Variants in MSMO1 observed in about 807,000 individuals in gnomAD.
MSMO1 encodes the protein C-4 methylsterol oxidase.
A neutral mutation model predicts 30.4 loss-of-function variants in MSMO1; 18 were observed. The observed-to-expected ratio is 0.59, with a 90% CI of 0.41 to 0.88. The LOEUF is 0.88. MSMO1 is among the 40% of genes least tolerant of loss of function. The probability of loss-of-function intolerance (pLI) is 0.00; values close to 1 mark genes in which losing one functional copy is unlikely to be tolerated. For synonymous variants in MSMO1, 84 were observed against 107.9 expected, an observed-to-expected ratio of 0.78 and a Z score of 1.37; for missense variants, 284 against 340.5, an observed-to-expected ratio of 0.83 and a Z score of 1.31.
At chr4:165,338,034 TG>T (rs1411703747) in intron 3 of MSMO1, 97 bp downstream of exon 3, 1 of 1,170,962 alleles carries the variant, frequency 8.5e-7, no homozygotes, top group Non-Finnish European at 1.2e-6. Context: ...AGTTAATGTT[TG>T]TTCTAAACTT....
chr4:165,333,233 C>T, intron 1 of MSMO1, 107 bp from the exon 2 acceptor site: 3 of 914,114 alleles, frequency 3.3e-6, no homozygotes, highest in Non-Finnish European at 4.8e-6. Context: ...AATTTATACT[C>T]CTTTAGTAAT....
intron 1 of MSMO1, among the ~76,000 whole-genome samples, chr4:165,328,888 C>G (rs536498834): frequency 4.2e-4 from 64 of 152,250 alleles, no homozygotes; most frequent in African/African-American, 1.5e-3. Flanking sequence ...AACGTTATGT[C>G]TGAGAATTAG....
rs2126619598 is a variant in MSMO1, at chr4:165,333,470, A to G, written c.100A>G (p.Lys34Glu). ...TGAGAATCCTCTGCAAGAACCATTT[A>G]AAAATGCTTGGAACTATATGTTGAA... Reference protein sequence around the residue: ...LPENPLQEPFKNAWNYMLNNY... With the variant: ...LPENPLQEPFENAWNYMLNNY... Residue 34 changes from lysine (K) to glutamate (E), a missense_variant, in exon 2 of 6, where the codon AAA becomes GAA. Coordinates refer to ENST00000261507, the MANE Select transcript of MSMO1 (RefSeq NM_006745.5). 2 of 1,613,444 alleles carry G rather than the reference A, an allele frequency of 1.2e-6. No homozygotes were observed. Among genetic ancestry groups the G allele is most frequent in the Non-Finnish European group, 1.7e-6 (2 of 1,179,724 alleles).
In MSMO1 at chr4:165,342,614, C is replaced by T. The variant is rs568646628; in HGVS notation, c.*668C>T. On this transcript the variant is annotated 3_prime_UTR_variant, in exon 6 of 6. Coordinates refer to ENST00000261507, the MANE Select transcript of MSMO1 (RefSeq NM_006745.5). Reference sequence around the variant, plus strand: ...TCAAGTGATCTGCCCACCTTGGCCTCCCAAAGTGCTGGGATTACAGGTGTA... The same window carrying T: ...TCAAGTGATCTGCCCACCTTGGCCTTCCAAAGTGCTGGGATTACAGGTGTA... The T allele has an allele frequency of 6.6e-6, 1 of 152,424 alleles. No homozygotes were observed. The highest frequency in any genetic ancestry group is 1.9e-4 in the East Asian group (1 of 5,180). 9.4% of individuals were successfully genotyped at this position (152,424 alleles called of 1,614,324 possible).
chr4:165,332,827 A>G (rs983214031), intron 1 of MSMO1, among the ~76,000 whole-genome samples: 2 of 152,172 alleles, frequency 1.3e-5, no homozygotes, highest in African/African-American at 4.8e-5. Flanking sequence ...TCTAAAGCAC[A>G]CTTTGTAGCC....
At chr4:165,335,313 G>T (rs1412534769) in intron 2 of MSMO1, among the ~76,000 whole-genome samples, 1 of 152,086 alleles carries the variant, frequency 6.6e-6, no homozygotes, top group Admixed American at 6.6e-5. Flanking sequence ...ATAATGCAGG[G>T]GTCAGATGAC....
At position 165,342,424 on chromosome 4, in the gene MSMO1, T is replaced by G. The variant is rs1259458346; in HGVS notation, c.*478T>G. On this transcript the variant is annotated 3_prime_UTR_variant, in exon 6 of 6. Coordinates refer to ENST00000261507, the MANE Select transcript of MSMO1 (RefSeq NM_006745.5). ...CCTTGGCTGGAGTGTGGTGGCACAG[T>G]CTCAGCTCACTGCAACCTCTGCCTC... The G allele has an allele frequency of 1.3e-5, 2 of 152,984 alleles. No homozygotes were observed. The highest frequency in any genetic ancestry group is 2.4e-5 in the African/African-American group (1 of 41,414). The allele number at this position is 152,984 out of a possible 1,614,324, so 9.5% of individuals were successfully genotyped here. A position where few individuals can be genotyped will look rare whatever the true frequency, so the allele number is the denominator to read the frequency against.
intron 2 of MSMO1, among the ~76,000 whole-genome samples, chr4:165,333,977 C>A (rs2126620364): frequency 6.6e-6 from 1 of 152,124 alleles, no homozygotes; most frequent in African/African-American, 2.4e-5. Flanking sequence ...AAAAAAGATA[C>A]AAAAATACCC....
chr4:165,334,911 A>C (rs1339090875), intron 2 of MSMO1, among the ~76,000 whole-genome samples: 1 of 152,172 alleles, frequency 6.6e-6, no homozygotes, highest in Non-Finnish European at 1.5e-5. Context: ...GATCCAACCA[A>C]CTGCAGATCA....
rs982234903 is a variant in MSMO1, at chr4:165,341,744, G to C, written c.687-7G>C. 11 of 1,593,250 alleles carry C rather than the reference G, an allele frequency of 6.9e-6. No individual in the cohort carries two copies. The highest frequency in any genetic ancestry group is 9.5e-6 in the Non-Finnish European group (11 of 1,161,490). On this transcript the variant is annotated splice_polypyrimidine_tract_variant and splice_region_variant and intron_variant, in intron 5 of 5. Coordinates refer to ENST00000261507, the MANE Select transcript of MSMO1 (RefSeq NM_006745.5). ...TTCCTTAATAATCTTTATCATTTTT[G>C]TTTCAGTGGTTATGATATTCCTCTC...
At chr4:165,341,233 C>G (rs1747707397) in intron 5 of MSMO1, among the ~76,000 whole-genome samples, 2 of 152,130 alleles carry the variant, frequency 1.3e-5, no homozygotes, top group African/African-American at 2.4e-5. Flanking sequence ...GAAAAGTACA[C>G]TGGTATTTTG....
chr4:165,332,602 T>A lies in MSMO1; in HGVS notation c.-31-738T>A, dbSNP rs866552365. ...TATCCCCCCTGCCCACAGTGTGTGG[T>A]CATGCCTGTTCTCTCACCCTCTTAC... is the stretch of plus-strand genomic sequence containing the variant. On this transcript the variant is annotated intron_variant, in intron 1 of 5. Transcript: ENST00000261507. 2.0e-5 allele frequency among the ~76,000 whole-genome samples: 3 copies of A among 152,342 alleles called. No homozygotes were observed. The East Asian group carries it at 5.8e-4, about 29-fold the overall frequency.
At chr4:165,340,670 A>G (rs1281257019) in intron 5 of MSMO1, 2 of 370,414 alleles carry the variant, frequency 5.4e-6, no homozygotes, top group Non-Finnish European at 9.9e-6. Context: ...TGAAAAAAAT[A>G]TCAAAGCATT....
At chr4:165,330,624 G>GT (rs1188725648) in intron 1 of MSMO1, among the ~76,000 whole-genome samples, 1 of 152,250 alleles carries the variant, frequency 6.6e-6, no homozygotes, top group Non-Finnish European at 1.5e-5. Flanking sequence ...CAACTTAGAA[G>GT]ATGATTGAAG....
At position 165,342,127 on chromosome 4, in the gene MSMO1, A is replaced by G. The variant is rs948097154; in HGVS notation, c.*181A>G. On this transcript the variant is annotated 3_prime_UTR_variant, in exon 6 of 6. Transcript: ENST00000261507. ...TTTTTCTACTTTACCTACAAGTTCTATATATGTAGAAATGAATAAATATAT... is the reference window on the plus strand; with the variant it reads ...TTTTTCTACTTTACCTACAAGTTCTGTATATGTAGAAATGAATAAATATAT... 1.4e-5 allele frequency: 8 copies of G among 564,070 alleles called. No individual in the cohort carries two copies. Among genetic ancestry groups the G allele is most frequent in the African/African-American group, 9.4e-5 (5 of 53,090 alleles). The allele number at this position is 564,070 out of a possible 1,614,324, so 34.9% of individuals were successfully genotyped here.
chr4:165,333,349 G>C lies in MSMO1; in HGVS notation c.-22G>C, dbSNP rs1747451186. 1 of 1,610,168 alleles carries C rather than the reference G, an allele frequency of 6.2e-7. No individual in the cohort carries two copies. The highest frequency in any genetic ancestry group is 1.3e-5 in the African/African-American group (1 of 74,754). On this transcript the variant is annotated 5_prime_UTR_variant, in exon 2 of 6. Transcript: ENST00000261507. Reference sequence around the variant, plus strand: ...GTATTCATTTCTACAGAATTATAAGGCTGTCTGCAGAGATTTGAAAAATGG... The same window carrying C: ...GTATTCATTTCTACAGAATTATAAGCCTGTCTGCAGAGATTTGAAAAATGG...
chr4:165,329,590 G>C (rs1363161883), intron 1 of MSMO1, among the ~76,000 whole-genome samples: 1 of 137,892 alleles, frequency 7.3e-6, no homozygotes, highest in African/African-American at 2.7e-5. Flanking sequence ...AAAAAAAAAA[G>C]GTTTATTGGA....
intron 2 of MSMO1, among the ~76,000 whole-genome samples, chr4:165,336,091 T>TTGG (rs1747536729): frequency 6.6e-6 from 1 of 151,976 alleles, no homozygotes; most frequent in Admixed American, 6.6e-5. Context: ...ATAGAAGAAG[T>TTGG]TGGTGGTGGT....
rs562071490 is a variant in MSMO1 at position 165,337,807 on chromosome 4, G to A, written c.274G>A (p.Glu92Lys). Reference sequence around the variant, plus strand: ...TTCGTAGGATAAGCCAGAGACATGGGAAAACCAATGGAAGTGTTTCAAAGT... The same window carrying A: ...TTCGTAGGATAAGCCAGAGACATGGAAAAACCAATGGAAGTGTTTCAAAGT... ...KIQKDKPETW[E>K]NQWKCFKVLL... The change falls in exon 3 of 6, where the codon GAA (glutamate) becomes AAA (lysine). Residue 92 changes from glutamate to lysine, a missense_variant. Coordinates refer to ENST00000261507, the MANE Select transcript of MSMO1 (RefSeq NM_006745.5). 6.2e-7 allele frequency: 1 copy of A among 1,613,704 alleles called. No individual in the cohort carries two copies. Among genetic ancestry groups the A allele is most frequent in the Non-Finnish European group, 8.5e-7 (1 of 1,179,790 alleles).
Sources: gnomAD v4.1 joint callset for allele counts (sites outside exome capture counted in the v4.1 genomes callset) on GRCh38, gnomAD v4.1.1 for gene constraint, MANE v1.5 for transcripts, NCBI Gene and HGNC (gene_info 2026-07-23, HGNC 2026-07-21) for gene names.